The following PTPRM variants were observed in gnomAD, a reference collection of about 807,000 sequenced individuals.
PTPRM encodes the protein protein tyrosine phosphatase receptor type M.
PTPRM carries 47 observed loss-of-function variants against 186.7 expected under a neutral mutation model. The ratio of observed to expected loss-of-function variants is 0.25; its 90% CI spans 0.20 to 0.32. The LOEUF (loss-of-function observed/expected upper bound fraction) is 0.32, where lower values mean the gene tolerates loss of function less well. Ranked by LOEUF, PTPRM falls within the 10% of genes least tolerant of loss-of-function variation. The pLI is 1.00. For synonymous variants in PTPRM, 668 were observed against 674.9 expected (o/e 0.99, Z 0.16); for missense variants, 1,494 against 1,865.0 (o/e 0.80, Z 3.66).
chr18:8,205,188 G>A (rs1195645720), intron 14 of PTPRM, among the ~76,000 whole-genome samples: 1 of 151,972 alleles, frequency 6.6e-6, no homozygotes, highest in African/African-American at 2.4e-5. Context: ...TAAATAGAAA[G>A]CTTTAAGAAC....
intron 4 of PTPRM, among the ~76,000 whole-genome samples, chr18:7,916,961 C>T (rs930512448): frequency 6.6e-6 from 1 of 152,180 alleles, no homozygotes; most frequent in Non-Finnish European, 1.5e-5. Flanking sequence ...CCCTACCTTT[C>T]CTATCCCTTA....
Position 8,248,145 on chromosome 18 carries a change from G to T in PTPRM, c.2528-5G>T, listed in dbSNP as rs1199983001. On this transcript the variant is annotated splice_polypyrimidine_tract_variant and splice_region_variant and intron_variant, in intron 16 of 32. Transcript: ENST00000580170. The stretch of plus-strand genomic sequence containing the variant: ...CTGCATTGACCTGCTTACGGTGTAT[G>T]ACAGACCCATTTGTGCCAACTGCAA... 1 of 1,531,006 alleles carries T rather than the reference G, an allele frequency of 6.5e-7. No individual in the cohort carries two copies. The highest frequency in any genetic ancestry group is 1.7e-5 in the Admixed American group (1 of 59,866). The allele number at this position is 1,531,006 out of a possible 1,614,324, so 94.8% of individuals were successfully genotyped here. A position where few individuals can be genotyped will look rare whatever the true frequency, so the allele number is the denominator to read the frequency against.
At chr18:7,614,224 AG>A (rs1160135529) in intron 1 of PTPRM, among the ~76,000 whole-genome samples, 2 of 152,224 alleles carry the variant, frequency 1.3e-5, no homozygotes, top group East Asian at 1.9e-4. Flanking sequence ...AGCGTAAAAC[AG>A]TACAAACACC....
chr18:7,947,340 C>T (rs1194451187), intron 5 of PTPRM, among the ~76,000 whole-genome samples: 1 of 152,116 alleles, frequency 6.6e-6, no homozygotes, highest in Non-Finnish European at 1.5e-5. Flanking sequence ...AGGTTAACCA[C>T]TCTGGATGAT....
intron 7 of PTPRM, among the ~76,000 whole-genome samples, chr18:8,044,861 G>A (rs939241707): frequency 2.4e-4 from 37 of 152,042 alleles, no homozygotes; most frequent in African/African-American, 8.7e-4. Flanking sequence ...AATAATAAGT[G>A]TTGGCCAGGA....
intron 2 of PTPRM, among the ~76,000 whole-genome samples, chr18:7,805,704 C>T (rs769255565): frequency 8.6e-5 from 13 of 151,982 alleles, no homozygotes; most frequent in Non-Finnish European, 2.9e-5. Context: ...CTTTCCTGTA[C>T]GAAGTGTATA....
chr18:7,914,786 G>C (rs554426672), intron 4 of PTPRM, among the ~76,000 whole-genome samples: 1 of 152,090 alleles, frequency 6.6e-6, no homozygotes, highest in African/African-American at 2.4e-5. Context: ...CTCAGCGTTA[G>C]AGTAAGCAGT....
intron 5 of PTPRM, among the ~76,000 whole-genome samples, chr18:7,930,626 T>C (rs2051430791): frequency 6.6e-6 from 1 of 152,156 alleles, no homozygotes; most frequent in South Asian, 2.1e-4. Flanking sequence ...GGTAGATGAA[T>C]AGGCATTATG....
chr18:8,018,378 G>A (rs924912605), intron 7 of PTPRM, among the ~76,000 whole-genome samples: 1 of 152,198 alleles, frequency 6.6e-6, no homozygotes, highest in African/African-American at 2.4e-5. Flanking sequence ...CGAAGAAGCA[G>A]CATGGTGAAC....
At chr18:8,138,791 C>T (rs747723867) in intron 13 of PTPRM, among the ~76,000 whole-genome samples, 1 of 152,166 alleles carries the variant, frequency 6.6e-6, no homozygotes, top group African/African-American at 2.4e-5. Flanking sequence ...AACTTGCCCT[C>T]TCTATGGTAT....
At chr18:7,790,117 A>T (rs1305338095) in intron 2 of PTPRM, among the ~76,000 whole-genome samples, 1 of 152,174 alleles carries the variant, frequency 6.6e-6, no homozygotes, top group East Asian at 1.9e-4. Context: ...GTTAAGATGC[A>T]GTGTCAGGTT....
chr18:7,618,012 A>C (rs2037848641), intron 1 of PTPRM, among the ~76,000 whole-genome samples: 1 of 152,184 alleles, frequency 6.6e-6, no homozygotes, highest in Non-Finnish European at 1.5e-5. Flanking sequence ...GTGGACTGGA[A>C]TCTGTTCTCT....
chr18:7,861,800 A>G (rs1419568913), intron 2 of PTPRM, among the ~76,000 whole-genome samples: 1 of 152,084 alleles, frequency 6.6e-6, no homozygotes, highest in Non-Finnish European at 1.5e-5. Flanking sequence ...GAATCTGCAC[A>G]TAAACAGGAA....
chr18:7,576,494 C>T (rs568000492), intron 1 of PTPRM, among the ~76,000 whole-genome samples: 9 of 151,920 alleles, frequency 5.9e-5, no homozygotes, highest in South Asian at 4.2e-4. Context: ...TTTCTCAAGG[C>T]GTCTTGCTCT....
intron 1 of PTPRM, among the ~76,000 whole-genome samples, chr18:7,616,442 T>G (rs1382576231): frequency 6.6e-6 from 1 of 152,144 alleles, no homozygotes; most frequent in Non-Finnish European, 1.5e-5. Context: ...ACGTGGTGTT[T>G]CAGACATGCC....
chr18:7,590,055 A>G (rs1177745157), intron 1 of PTPRM, among the ~76,000 whole-genome samples: 1 of 152,202 alleles, frequency 6.6e-6, no homozygotes, highest in Non-Finnish European at 1.5e-5. Flanking sequence ...ATCTGGAAAC[A>G]ATGGTTAAAT....
chr18:8,056,751 C>CAAAAAA (rs34470950), intron 7 of PTPRM, among the ~76,000 whole-genome samples: 1 of 143,900 alleles, frequency 6.9e-6, no homozygotes, highest in African/African-American at 2.5e-5. Context: ...CCTTTTTTAG[C>CAAAAAA]AAAAAAAAAA....
intron 1 of PTPRM, among the ~76,000 whole-genome samples, chr18:7,681,237 A>C (rs2039473646): frequency 6.6e-6 from 1 of 152,134 alleles, no homozygotes; most frequent in Non-Finnish European, 1.5e-5. Flanking sequence ...TAATGAGCCC[A>C]TTTTATCAAC....
intron 22 of PTPRM, among the ~76,000 whole-genome samples, chr18:8,322,719 G>T (rs922681868): frequency 1.3e-5 from 2 of 152,200 alleles, no homozygotes; most frequent in African/African-American, 4.8e-5. Flanking sequence ...TATGTGGCCT[G>T]CAAGCTGGAT....
Sources: allele counts gnomAD v4.1 joint callset (sites outside exome capture counted in the v4.1 genomes callset), GRCh38; gene constraint gnomAD v4.1.1; transcripts MANE v1.5; gene names NCBI Gene and HGNC (gene_info 2026-07-23, HGNC 2026-07-21).